The following MALRD1 variants were observed in gnomAD, a reference collection of about 807,000 sequenced individuals.
MALRD1 encodes the protein MAM and LDL receptor class A domain containing 1.
Under a neutral mutation model 242.1 loss-of-function variants are expected in MALRD1, and 247 were observed. The observed-to-expected ratio is 1.02, with a 90% CI of 0.92 to 1.13. The LOEUF is 1.13. Ranked by LOEUF, MALRD1 falls within the 50% of genes most tolerant of loss-of-function variation. The probability of loss-of-function intolerance (pLI) is 0.00; values close to 1 mark genes in which losing one functional copy is unlikely to be tolerated. For synonymous variants in MALRD1, 995 were observed against 866.6 expected (o/e 1.15, Z -2.60); for missense variants, 2,989 against 2,533.1 (o/e 1.18, Z -3.86).
chr10:19,581,800 C>G (rs1837140254), intron 33 of MALRD1, among the ~76,000 whole-genome samples: 1 of 151,182 alleles, frequency 6.6e-6, no homozygotes, highest in Admixed American at 6.6e-5. Flanking sequence ...GCCACACTGA[C>G]TTCCACAATG....
At chr10:19,237,702 T>TTA (rs1314473681) in intron 18 of MALRD1, among the ~76,000 whole-genome samples, 3 of 115,898 alleles carry the variant, frequency 2.6e-5, no homozygotes, top group Non-Finnish European at 5.0e-5. Flanking sequence ...AAATACATAA[T>TTA]TATATATATA....
At chr10:19,148,451 A>T (rs1391554654) in intron 11 of MALRD1, among the ~76,000 whole-genome samples, 1 of 152,178 alleles carries the variant, frequency 6.6e-6, no homozygotes, top group Non-Finnish European at 1.5e-5. Flanking sequence ...TTTTCCATGT[A>T]GTAAGATCTC....
chr10:19,497,072 A>T (rs1295101830), intron 30 of MALRD1, among the ~76,000 whole-genome samples: 1 of 152,182 alleles, frequency 6.6e-6, no homozygotes, highest in African/African-American at 2.4e-5. Flanking sequence ...TACAAGGATG[A>T]TCACAGAGAA....
chr10:19,354,213 A>G (rs1326198911), intron 26 of MALRD1, among the ~76,000 whole-genome samples: 1 of 152,188 alleles, frequency 6.6e-6, no homozygotes, highest in Non-Finnish European at 1.5e-5. Flanking sequence ...ACAAAATAGT[A>G]TTGATTATAC....
chr10:19,049,867 T>G (rs1170581102), intron 1 of MALRD1, among the ~76,000 whole-genome samples: 2 of 152,200 alleles, frequency 1.3e-5, no homozygotes, highest in African/African-American at 2.4e-5. Flanking sequence ...GACATGTACG[T>G]TCCTGTCATT....
At position 19,373,203 on chromosome 10, in the gene MALRD1, C is replaced by CAAAAAAAAAAAAAAAA. The variant is rs374095193; in HGVS notation, c.4442-14323_4442-14308dup. On this transcript the variant is annotated intron_variant, in intron 26 of 39. Transcript: ENST00000454679. Reference sequence around the variant, plus strand: ...CTTGCATTTCAGCAAACGCTAAATACAAAAAAAAAAAAAAAAATAAGGGGC... The same window carrying CAAAAAAAAAAAAAAAA: ...CTTGCATTTCAGCAAACGCTAAATACAAAAAAAAAAAAAAAAAAAAAAAAAAAAAAAAATAAGGGGC... 9.1e-3 allele frequency among the ~76,000 whole-genome samples: 1,047 copies of CAAAAAAAAAAAAAAAA among 114,536 alleles called. 21 individuals carry two copies. The highest frequency in any genetic ancestry group is 0.011 in the Non-Finnish European group (623 of 56,910). 75.1% of individuals were successfully genotyped at this position (114,536 alleles called of 152,430 possible).
At chr10:19,476,275 G>A (rs7902270) in intron 29 of MALRD1, among the ~76,000 whole-genome samples, 131,088 of 152,092 alleles carry the variant, frequency 0.86, 56,659 homozygotes, top group East Asian at 1. Flanking sequence ...ACAGCATTCA[G>A]TCCCAAATGG....
chr10:19,241,352 T>C (rs908621076), intron 18 of MALRD1, among the ~76,000 whole-genome samples: 1 of 152,102 alleles, frequency 6.6e-6, no homozygotes, highest in Non-Finnish European at 1.5e-5. Context: ...CATTATCAAA[T>C]TTGTTGGCAT....
intron 18 of MALRD1, among the ~76,000 whole-genome samples, chr10:19,216,119 C>CTTTTTTTTTTTTTTTTTTTTTTTT (rs753559077): frequency 8.1e-6 from 1 of 122,814 alleles, no homozygotes; most frequent in Non-Finnish European, 1.6e-5. Context: ...TTCTTTCTTT[C>CTTTTTTTTTTTTTTTTTTTTTTTT]TTTTTTTTTT....
At chr10:19,235,948 A>G (rs1261000329) in intron 18 of MALRD1, among the ~76,000 whole-genome samples, 1 of 152,122 alleles carries the variant, frequency 6.6e-6, no homozygotes, top group East Asian at 1.9e-4. Context: ...AATTGGTTGA[A>G]GACTAGGGGA....
chr10:19,278,207 T>C (rs1413729004), intron 19 of MALRD1, among the ~76,000 whole-genome samples: 1 of 152,220 alleles, frequency 6.6e-6, no homozygotes, highest in East Asian at 1.9e-4. Flanking sequence ...AAAAAAACAG[T>C]TTAATGTATT....
At chr10:19,166,549 A>G (rs1238760818) in intron 13 of MALRD1, among the ~76,000 whole-genome samples, 1 of 152,188 alleles carries the variant, frequency 6.6e-6, no homozygotes, top group Non-Finnish European at 1.5e-5. Flanking sequence ...GTTATTGTGT[A>G]TTTCAAAATA....
intron 31 of MALRD1, among the ~76,000 whole-genome samples, chr10:19,504,163 A>G (rs567995282): frequency 2.0e-5 from 3 of 152,362 alleles, no homozygotes; most frequent in East Asian, 3.9e-4. Context: ...TCCTATGGGC[A>G]GACAGGATGG....
Position 19,081,224 on chromosome 10 carries a change from G to T in MALRD1, c.341-6616G>T, listed in dbSNP as rs193270691. ...AGTGTGGCAATTCCTCAAAGATCTA[G>T]AACTGGAAATACCATTTGATTCAGC... On this transcript the variant is annotated intron_variant, in intron 2 of 39. Coordinates refer to ENST00000454679, the MANE Select transcript of MALRD1 (RefSeq NM_001142308.3). Among the ~76,000 whole-genome samples the T allele has an allele frequency of 2.7e-3, 412 of 152,146 alleles. 1 individual carries two copies. The highest frequency in any genetic ancestry group is 9.5e-3 in the African/African-American group (395 of 41,540).
chr10:19,586,636 A>G (rs1837421701), intron 33 of MALRD1, among the ~76,000 whole-genome samples: 1 of 152,212 alleles, frequency 6.6e-6, no homozygotes, highest in African/African-American at 2.4e-5. Flanking sequence ...CAAAGCTGTC[A>G]GACAGGGACA....
chr10:19,107,184 C>T (rs1314018742), intron 5 of MALRD1, among the ~76,000 whole-genome samples: 1 of 151,830 alleles, frequency 6.6e-6, no homozygotes, highest in East Asian at 1.9e-4. Flanking sequence ...TTTCTTTGTT[C>T]ATTTTCTGTC....
intron 28 of MALRD1, among the ~76,000 whole-genome samples, chr10:19,437,620 C>A (rs1834403304): frequency 6.6e-6 from 1 of 151,970 alleles, no homozygotes; most frequent in African/African-American, 2.4e-5. Flanking sequence ...TCACAATATT[C>A]ATTTTTTGCA....
chr10:19,283,142 A>G lies in MALRD1; in HGVS notation c.3380A>G (p.His1127Arg), dbSNP rs1003844974. 4 of 1,548,830 alleles carry G rather than the reference A, an allele frequency of 2.6e-6. No individual in the cohort carries two copies. In the African/African-American group the frequency reaches 4.1e-5, roughly 16 times the overall value. The part of the protein sequence containing the change: ...WGLGNGISIH[H>R]GEENHRPSVD... ...CTTGGGAACGGGATCAGCATTCATCATGGGGAAGAAAACCACAGGCCATCA... is the reference window on the plus strand; with the variant it reads ...CTTGGGAACGGGATCAGCATTCATCGTGGGGAAGAAAACCACAGGCCATCA... Residue 1127 changes from histidine (H) to arginine (R), a missense_variant, in exon 21 of 40, where the codon CAT becomes CGT. By Grantham distance (29) the His-to-Arg change is conservative. Coordinates refer to ENST00000454679, the MANE Select transcript of MALRD1 (RefSeq NM_001142308.3).
chr10:19,392,497 A>G (rs1337039121), intron 28 of MALRD1, among the ~76,000 whole-genome samples: 2 of 152,132 alleles, frequency 1.3e-5, no homozygotes, highest in Non-Finnish European at 2.9e-5. Context: ...TTCTTAAATG[A>G]CTCCTGTAAT....
Sources: allele counts gnomAD v4.1 joint callset (sites outside exome capture counted in the v4.1 genomes callset), GRCh38; gene constraint gnomAD v4.1.1; transcripts MANE v1.5; gene names NCBI Gene and HGNC (gene_info 2026-07-23, HGNC 2026-07-21).